Variants in ARID3A observed in about 807,000 individuals in gnomAD.
The protein encoded by ARID3A is AT-rich interaction domain 3A.
ARID3A carries 11 observed loss-of-function variants against 52.7 expected under a neutral mutation model. That is an observed-to-expected ratio of 0.21 (90% CI 0.13 to 0.35). The LOEUF is 0.35. ARID3A is among the 10% of genes least tolerant of loss of function. The probability of loss-of-function intolerance (pLI) is 1.00; values close to 1 mark genes in which losing one functional copy is unlikely to be tolerated. For missense variants in ARID3A, 721 were observed against 838.5 expected (o/e 0.86, Z 1.73); for synonymous variants, 404 against 359.4 (o/e 1.12, Z -1.40).
In ARID3A at chr19:944,387, C is replaced by T. The variant is rs1171705339; in HGVS notation, c.693+11645C>T. 6.6e-6 allele frequency among the ~76,000 whole-genome samples: 1 copy of T among 151,866 alleles called. No homozygotes were observed. The highest frequency in any genetic ancestry group is 6.6e-5 in the Admixed American group (1 of 15,230). On this transcript the variant is annotated intron_variant, in intron 3 of 8. Coordinates refer to ENST00000263620, the MANE Select transcript of ARID3A (RefSeq NM_005224.3). The surrounding 1 kb of genome is among the most constrained non-coding windows in gnomAD (Gnocchi z 5.9). ...GTCTGGCTGTGTGGCTGCACGGAGGCCTGTCTGGGTAGGAGTGTCGGTGGG... is the reference window on the plus strand; with the variant it reads ...GTCTGGCTGTGTGGCTGCACGGAGGTCTGTCTGGGTAGGAGTGTCGGTGGG...
Position 975,085 on chromosome 19 carries a change from G to A in ARID3A, c.*3020G>A, listed in dbSNP as rs1295923980. On this transcript the variant is annotated 3_prime_UTR_variant, in exon 9 of 9. Coordinates refer to ENST00000263620, the MANE Select transcript of ARID3A (RefSeq NM_005224.3). ...TGCCCATCTCCTGCCACCGCCTGTC[G>A]GTGGGGGTTTAAATTCGGTGTGGCT... is the stretch of plus-strand genomic sequence containing the variant. 1.3e-5 allele frequency: 3 copies of A among 231,792 alleles called. No individual in the cohort carries two copies. Among genetic ancestry groups the A allele is most frequent in the East Asian group, 6.1e-5 (1 of 16,464 alleles). 14.4% of individuals were successfully genotyped at this position (231,792 alleles called of 1,614,324 possible). A position where few individuals can be genotyped will look rare whatever the true frequency, so the allele number is the denominator to read the frequency against.
chr19:970,280 T>C (rs1207136469), intron 8 of ARID3A, among the ~76,000 whole-genome samples: 3 of 151,596 alleles, frequency 2.0e-5, no homozygotes, highest in Admixed American at 2.0e-4. Flanking sequence ...GCCACCGCAC[T>C]CCAGCCTGTG....
At position 942,411 on chromosome 19, in the gene ARID3A, G is replaced by A. The variant is rs967308268; in HGVS notation, c.693+9669G>A. Among the ~76,000 whole-genome samples the A allele has an allele frequency of 1.3e-5, 2 of 152,144 alleles. No homozygotes were observed. The highest frequency in any genetic ancestry group is 4.8e-5 in the African/African-American group (2 of 41,428). ...TCCTCTCCACTGGCCGCCGGGAGCCGGGCCGGGAGCCGCTGCGGTGCCGAC... is the reference window on the plus strand; with the variant it reads ...TCCTCTCCACTGGCCGCCGGGAGCCAGGCCGGGAGCCGCTGCGGTGCCGAC... On this transcript the variant is annotated intron_variant, in intron 3 of 8. Transcript: ENST00000263620. This position sits in a 1 kb window ranked among gnomAD's most constrained non-coding sequence, Gnocchi z 8.1.
rs541222824 is a variant in ARID3A, at chr19:972,450, C to T, written c.*385C>T. The T allele has an allele frequency of 1.1e-4, 24 of 214,132 alleles. No individual in the cohort carries two copies. Among genetic ancestry groups the T allele is most frequent in the African/African-American group, 4.8e-4 (21 of 44,202 alleles). The allele number at this position is 214,132 out of a possible 1,614,324, so 13.3% of individuals were successfully genotyped here. A position where few individuals can be genotyped will look rare whatever the true frequency, so the allele number is the denominator to read the frequency against. On this transcript the variant is annotated 3_prime_UTR_variant, in exon 9 of 9. Coordinates refer to ENST00000263620, the MANE Select transcript of ARID3A (RefSeq NM_005224.3). ...TCTGGTGTCTGGTTTGGCCCCACAG[C>T]AGTGTGGGCCGATCCTGTTTACCTC...
At chr19:927,425 C>T (rs938084751) in intron 1 of ARID3A, among the ~76,000 whole-genome samples, 1 of 152,118 alleles carries the variant, frequency 6.6e-6, no homozygotes, top group Non-Finnish European at 1.5e-5. Flanking sequence ...CTGCCCCCTC[C>T]ACCGGCCCCA....
intron 3 of ARID3A, among the ~76,000 whole-genome samples, chr19:934,068 TTCACCAATTAATTTAAC>T (rs1244532062): frequency 3.3e-5 from 5 of 152,154 alleles, no homozygotes; most frequent in African/African-American, 1.2e-4. Context: ...ATTAATTTAA[TTCACCAATTAATTTAAC>T]ATTCACCCAA....
chr19:966,953 C>T (rs1021062462), intron 7 of ARID3A, 85 bp downstream of exon 7: 84 of 1,373,736 alleles, frequency 6.1e-5, no homozygotes, highest in Admixed American at 1.2e-4. Context: ...TAAAGAGTGC[C>T]AACAAATCAA....
chr19:930,130 GGT>G (rs1444334800), intron 2 of ARID3A, among the ~76,000 whole-genome samples: 50 of 152,204 alleles, frequency 3.3e-4, no homozygotes, highest in Non-Finnish European at 4.9e-4. Context: ...CAGGCATGGT[GGT>G]GCACCTGTGG....
chr19:959,169 G>A lies in ARID3A; in HGVS notation c.694-923G>A, dbSNP rs556305410. ...CGAAGACAGAGGCAGAGGCTGGAGC[G>A]ACGCGGCCACAAGCCCAGGAACCTG... is the stretch of plus-strand genomic sequence containing the variant. On this transcript the variant is annotated intron_variant, in intron 3 of 8. Transcript: ENST00000263620. The surrounding 1 kb of genome is among the most constrained non-coding windows in gnomAD (Gnocchi z 5.0). Among the ~76,000 whole-genome samples the A allele has an allele frequency of 3.3e-4, 50 of 152,226 alleles. No homozygotes were observed. The highest frequency in any genetic ancestry group is 6.0e-4 in the Non-Finnish European group (41 of 68,038).
chr19:956,162 G>A (rs562343111), intron 3 of ARID3A, among the ~76,000 whole-genome samples: 19 of 152,244 alleles, frequency 1.2e-4, no homozygotes, highest in South Asian at 4.1e-4. Context: ...GGGGGATGGC[G>A]TTCACCCCAG....
intron 6 of ARID3A, among the ~76,000 whole-genome samples, chr19:965,970 C>T (rs1426156132): frequency 2.9e-5 from 4 of 137,474 alleles, no homozygotes; most frequent in Admixed American, 8.0e-5. Flanking sequence ...CCAGCCTCAG[C>T]GACAGAGTGA....
rs1278425843 is a variant in ARID3A, at chr19:966,778, G to A, written c.1405G>A (p.Glu469Lys). 6.2e-6 allele frequency: 10 copies of A among 1,613,500 alleles called. No individual in the cohort carries two copies. The highest frequency in any genetic ancestry group is 8.5e-6 in the Non-Finnish European group (10 of 1,180,006). ...GAAGAAGATGGCCCTGGTGGCCGAT[G>A]AGCAGCAACGGCTGATGCAACGTGC... is the stretch of plus-strand genomic sequence containing the variant. Reference protein sequence around the residue: ...PEKKMALVADEQQRLMQRALQ... With the variant: ...PEKKMALVADKQQRLMQRALQ... The change falls in exon 7 of 9, where the codon GAG (glutamate) becomes AAG (lysine). Residue 469 changes from glutamate to lysine, a missense_variant. By Grantham distance (56) the Glu-to-Lys change is moderately conservative (BLOSUM62 1). This residue lies in a region of ARID3A where 297 missense variants were observed against 343.2 expected (regional missense o/e 0.87). Coordinates refer to ENST00000263620, the MANE Select transcript of ARID3A (RefSeq NM_005224.3).
In ARID3A at chr19:950,036, CGG is replaced by C. The variant is rs2037771495; in HGVS notation, c.694-10055_694-10054del. Among the ~76,000 whole-genome samples, 3 of 148,152 alleles carry C rather than the reference CGG, an allele frequency of 2.0e-5. No individual in the cohort carries two copies. The East Asian group carries it at 6.1e-4, about 30-fold the overall frequency. ...GCAAAGAGGCCGTCCCCAGAGTGAA[CGG>C]ATGGATGAGGCCGTCCCCAGAGTGA... On this transcript the variant is annotated intron_variant, in intron 3 of 8. Coordinates refer to ENST00000263620, the MANE Select transcript of ARID3A (RefSeq NM_005224.3).
Position 974,936 on chromosome 19 carries a change from T to C in ARID3A, c.*2871T>C, listed in dbSNP as rs529789728. On this transcript the variant is annotated 3_prime_UTR_variant, in exon 9 of 9. Coordinates refer to ENST00000263620, the MANE Select transcript of ARID3A (RefSeq NM_005224.3). ...AGGAAGTCGCTGAAGGCAGTGGCCA[T>C]GCTGGCCGTGGAAATGGGAGGCGGT... The C allele has an allele frequency of 2.4e-4, 55 of 228,438 alleles. No homozygotes were observed. The highest frequency in any genetic ancestry group is 1.2e-3 in the African/African-American group (55 of 45,146). 14.2% of individuals were successfully genotyped at this position (228,438 alleles called of 1,614,324 possible).
Position 929,505 on chromosome 19 carries a change from G to A in ARID3A, c.-24G>A. 2.0e-6 allele frequency: 3 copies of A among 1,504,174 alleles called. No homozygotes were observed. The highest frequency in any genetic ancestry group is 2.6e-6 in the Non-Finnish European group (3 of 1,133,084). 93.2% of individuals were successfully genotyped at this position (1,504,174 alleles called of 1,614,324 possible). On this transcript the variant is annotated 5_prime_UTR_variant, in exon 2 of 9. Transcript: ENST00000263620. The surrounding 1 kb of genome is among the most constrained non-coding windows in gnomAD (Gnocchi z 6.2). The stretch of plus-strand genomic sequence containing the variant: ...CCGTGGTGGTGGTGGTGGTGGTGGT[G>A]GTGGTGGCCCGGGCCGCAGGGCCAT...
chr19:969,466 G>T (rs1357994838), intron 8 of ARID3A, among the ~76,000 whole-genome samples: 1 of 150,960 alleles, frequency 6.6e-6, no homozygotes, highest in Non-Finnish European at 1.5e-5. Flanking sequence ...GAGCCCAGGA[G>T]GTGGAGGTTG....
At chr19:949,028 T>C (rs139680541) in intron 3 of ARID3A, among the ~76,000 whole-genome samples, 1 of 152,222 alleles carries the variant, frequency 6.6e-6, no homozygotes, top group East Asian at 1.9e-4. Context: ...TCCTGGAGTC[T>C]ACAGCAGTGA....
intron 6 of ARID3A, 154 bp downstream of exon 6, chr19:965,234 C>T (rs897289001): frequency 1.2e-6 from 1 of 858,544 alleles, no homozygotes; most frequent in African/African-American, 1.7e-5. Context: ...AGTCCTCTGC[C>T]TATGGCAGAC....
In ARID3A at chr19:936,668, C is replaced by G. The variant is rs896415341; in HGVS notation, c.693+3926C>G. 2.0e-5 allele frequency among the ~76,000 whole-genome samples: 3 copies of G among 152,084 alleles called. No homozygotes were observed. In the East Asian group the frequency reaches 5.8e-4, roughly 29 times the overall value. On this transcript the variant is annotated intron_variant, in intron 3 of 8. Transcript: ENST00000263620. ...CCATCCTGGCTAACACGGTGAAACC[C>G]TGTCTCTACTAAAAATATAAAAAAT...
Sources: allele counts gnomAD v4.1 joint callset (sites outside exome capture counted in the v4.1 genomes callset), GRCh38; gene constraint gnomAD v4.1.1; regional missense constraint gnomAD v4.1.1; non-coding constraint Gnocchi (gnomAD v3.1); transcripts MANE v1.5; gene names NCBI Gene and HGNC (gene_info 2026-07-23, HGNC 2026-07-21).